RFX8: variants seen among roughly 807,000 people sequenced by gnomAD.
The protein encoded by RFX8 is DNA-binding protein RFX8.
RFX8 carries 46 observed loss-of-function variants against 54.6 expected under a neutral mutation model. The ratio of observed to expected loss-of-function variants is 0.84; its 90% confidence interval spans 0.67 to 1.08. The LOEUF (loss-of-function observed/expected upper bound fraction) is 1.08. RFX8 is among the 50% of genes least tolerant of loss of function. The pLI, the probability that RFX8 is intolerant of heterozygous loss-of-function variation, is 0.00. For synonymous variants in RFX8, 192 were observed against 209.5 expected (o/e 0.92, Z 0.72); for missense variants, 536 against 562.3 (o/e 0.95, Z 0.47).
chr2:101,473,314 T>C (rs1224830010), intron 1 of RFX8, among the ~76,000 whole-genome samples: 1 of 152,226 alleles, frequency 6.6e-6, no homozygotes, highest in Non-Finnish European at 1.5e-5. Flanking sequence ...CTAAGAACGA[T>C]GCATGAGGGG....
intron 1 of RFX8, chr2:101,474,127 C>T (rs1690165920): frequency 5.4e-6 from 3 of 550,830 alleles, no homozygotes; most frequent in South Asian, 2.2e-5. Flanking sequence ...CCGAGGGCAG[C>T]CGTAGCGGGA....
At chr2:101,465,351 A>G (rs951999106) in intron 2 of RFX8, among the ~76,000 whole-genome samples, 1 of 152,158 alleles carries the variant, frequency 6.6e-6, no homozygotes, top group Non-Finnish European at 1.5e-5. Context: ...CTAAAATAAA[A>G]TACAAAAAAT....
intron 9 of RFX8, among the ~76,000 whole-genome samples, chr2:101,409,806 T>A (rs923066248): frequency 1.3e-5 from 2 of 152,120 alleles, no homozygotes; most frequent in African/African-American, 4.8e-5. Flanking sequence ...GGCCTCCCTG[T>A]AGGTTTTAAC....
intron 2 of RFX8, among the ~76,000 whole-genome samples, chr2:101,465,903 G>A (rs959610816): frequency 5.9e-5 from 9 of 152,152 alleles, no homozygotes; most frequent in Non-Finnish European, 1.2e-4. Context: ...AAGTCATAAC[G>A]AAACAGGTGG....
At chr2:101,435,832 T>TAA (rs5832969) in intron 2 of RFX8, among the ~76,000 whole-genome samples, 2 of 151,978 alleles carry the variant, frequency 1.3e-5, no homozygotes, top group East Asian at 1.9e-4. Flanking sequence ...CATTTTCATT[T>TAA]AAAAAAATAG....
At chr2:101,464,738 C>T (rs542907689) in intron 2 of RFX8, among the ~76,000 whole-genome samples, 3 of 152,302 alleles carry the variant, frequency 2.0e-5, no homozygotes, top group East Asian at 1.9e-4. Flanking sequence ...CTCCTAGCTG[C>T]ATGTAGTCAC....
intron 2 of RFX8, chr2:101,428,864 T>G: frequency 3.9e-6 from 3 of 776,244 alleles, no homozygotes; most frequent in Non-Finnish European, 6.6e-6. Flanking sequence ...GTCAGAAGAG[T>G]ACGCACAGAA....
intron 2 of RFX8, among the ~76,000 whole-genome samples, chr2:101,437,422 C>A (rs1312598019): frequency 1.3e-5 from 2 of 151,598 alleles, no homozygotes; most frequent in East Asian, 3.9e-4. Flanking sequence ...AAAAACAAAA[C>A]AAAAAAATAG....
chr2:101,469,017 G>GGT (rs1689751122), intron 1 of RFX8, among the ~76,000 whole-genome samples: 2 of 20,544 alleles, frequency 9.7e-5, no homozygotes, highest in Admixed American at 3.4e-4. Flanking sequence ...TATATATATA[G>GGT]GTATATATAT....
intron 4 of RFX8, chr2:101,421,329 T>TCAGCTG: frequency 1.5e-5 from 15 of 991,182 alleles, no homozygotes; most frequent in Non-Finnish European, 1.7e-5. Flanking sequence ...GCCAGATCAC[T>TCAGCTG]CAGCTGCGAA....
At chr2:101,420,271 G>T (rs1686786795) in intron 4 of RFX8, among the ~76,000 whole-genome samples, 2 of 152,164 alleles carry the variant, frequency 1.3e-5, no homozygotes, top group African/African-American at 4.8e-5. Context: ...GCTGGGCGCG[G>T]TGGTTCACGG....
Position 101,406,026 on chromosome 2 carries a change from A to G in RFX8, c.845T>C (p.Leu282Ser). 6.5e-7 allele frequency: 1 copy of G among 1,548,414 alleles called. No homozygotes were observed. Among genetic ancestry groups the G allele is most frequent in the Non-Finnish European group, 8.7e-7 (1 of 1,145,578 alleles). The change falls in exon 10 of 12, where the codon TTG becomes TCG. Residue 282 changes from leucine to serine, a missense_variant. Leu to Ser is a moderately radical substitution (Grantham distance 145, BLOSUM62 -2). Transcript: ENST00000428343. ...TSRSKEEFTK[L>S]AASFQLRWNL... ...CCATCTCAGCTGGAAGCTGGCGGCC[A>G]ATTTGGTAAACTCTTCTTTGCTTCT...
chr2:101,469,004 GTATA>G (rs1196328303), intron 1 of RFX8, among the ~76,000 whole-genome samples: 1 of 25,286 alleles, frequency 4.0e-5, no homozygotes, highest in Non-Finnish European at 1.2e-4. Flanking sequence ...ATATATATAC[GTATA>G]TATATATAGG....
chr2:101,402,424 T>G lies in RFX8; in HGVS notation c.1245+12A>C, dbSNP rs1378746460. 6 of 1,535,192 alleles carry G rather than the reference T, an allele frequency of 3.9e-6. No individual in the cohort carries two copies. The highest frequency in any genetic ancestry group is 4.4e-6 in the Non-Finnish European group (5 of 1,134,714). On this transcript the variant is annotated intron_variant, in intron 11 of 11. Coordinates refer to ENST00000428343, the MANE Select transcript of RFX8 (RefSeq NM_001145664.2). ...GAAACAGCTGTGTGGAAGGGGGTCC[T>G]GGTGTCCCTACCTTATTGCCCATGG...
At chr2:101,398,352 A>G (rs1685243357) in intron 11 of RFX8, among the ~76,000 whole-genome samples, 1 of 152,130 alleles carries the variant, frequency 6.6e-6, no homozygotes, top group South Asian at 2.1e-4. Flanking sequence ...ACACTGGAGA[A>G]AGAAGATGAG....
chr2:101,461,383 A>G (rs1452492232), intron 2 of RFX8, among the ~76,000 whole-genome samples: 1 of 152,222 alleles, frequency 6.6e-6, no homozygotes, highest in African/African-American at 2.4e-5. Flanking sequence ...ATTGTCAACA[A>G]CAGATTCTGA....
chr2:101,445,649 C>T (rs187060046), intron 2 of RFX8, among the ~76,000 whole-genome samples: 2 of 151,984 alleles, frequency 1.3e-5, no homozygotes, highest in East Asian at 3.9e-4. Context: ...AGGCTGGTCT[C>T]GAACTCCTGA....
intron 2 of RFX8, among the ~76,000 whole-genome samples, chr2:101,437,851 C>T (rs1400771017): frequency 1.7e-5 from 2 of 115,724 alleles, no homozygotes; most frequent in East Asian, 4.6e-4. Flanking sequence ...ATCGTATCAC[C>T]TGTGCAGGTT....
rs1451730928 is a variant in RFX8, at chr2:101,466,822, A to G, written c.27T>C (p.Cys9=). 3 of 1,551,700 alleles carry G rather than the reference A, an allele frequency of 1.9e-6. No homozygotes were observed. The highest frequency in any genetic ancestry group is 4.9e-5 in the East Asian group (2 of 40,924). Residue 9 remains cysteine (C), a synonymous_variant, in exon 2 of 12, where the codon TGT becomes TGC. Transcript: ENST00000428343. The part of the protein sequence containing the change: MYEIYVET[C]GQNTENQVNP... The stretch of plus-strand genomic sequence containing the variant: ...TGACTTGGTTCTCAGTGTTTTGCCC[A>G]CAGGTCTCCACGTAAATCTCATACA...
Sources: allele counts gnomAD v4.1 joint callset (sites outside exome capture counted in the v4.1 genomes callset), GRCh38; gene constraint gnomAD v4.1.1; transcripts MANE v1.5; gene names NCBI Gene and HGNC (gene_info 2026-07-23, HGNC 2026-07-21).